The following ANO4 variants were observed in gnomAD, a reference collection of about 807,000 sequenced individuals.
The protein encoded by ANO4 is anoctamin 4, also known as anoctamin-4.
ANO4 carries 69 observed loss-of-function variants against 141.9 expected under a neutral mutation model. That is an observed-to-expected ratio of 0.49 (90% CI 0.40 to 0.59). The LOEUF is 0.59. ANO4 is among the 20% of genes least tolerant of loss of function. ANO4 has a pLI of 0.00. For synonymous variants in ANO4, 350 were observed against 394.3 expected (o/e 0.89, Z 1.33); for missense variants, 894 against 1,162.2 (o/e 0.77, Z 3.36).
intron 3 of ANO4, among the ~76,000 whole-genome samples, chr12:100,745,385 G>T (rs2135482275): frequency 6.6e-6 from 1 of 152,152 alleles, no homozygotes; most frequent in African/African-American, 2.4e-5. Flanking sequence ...ATTTAATTTT[G>T]CTCTTATTGT....
intron 3 of ANO4, among the ~76,000 whole-genome samples, chr12:100,751,888 A>G (rs2032399739): frequency 6.6e-6 from 1 of 152,198 alleles, no homozygotes; most frequent in African/African-American, 2.4e-5. Context: ...TGTGGTAGTA[A>G]TTTGAGAGAG....
At chr12:100,994,883 GACA>G (rs2045298992) in intron 8 of ANO4, among the ~76,000 whole-genome samples, 1 of 152,086 alleles carries the variant, frequency 6.6e-6, no homozygotes, top group African/African-American at 2.4e-5. Flanking sequence ...GGGGTAATTT[GACA>G]ACGTCTAGAA....
intron 5 of ANO4, among the ~76,000 whole-genome samples, chr12:100,958,131 G>A (rs1426806225): frequency 1.4e-4 from 22 of 152,184 alleles, no homozygotes; most frequent in East Asian, 1.9e-4. Context: ...CTTATTTGCC[G>A]GGCAAAGCCC....
At chr12:100,962,166 G>A (rs2043451838) in intron 5 of ANO4, among the ~76,000 whole-genome samples, 2 of 152,186 alleles carry the variant, frequency 1.3e-5, no homozygotes, top group East Asian at 1.9e-4. Context: ...TCTGTGGTAA[G>A]AGGATGAATT....
chr12:100,798,510 T>C lies in ANO4; in HGVS notation c.-141+3483T>C, dbSNP rs1565883464. 2.6e-5 allele frequency among the ~76,000 whole-genome samples: 4 copies of C among 152,204 alleles called. No individual in the cohort carries two copies. In the South Asian group the frequency reaches 8.3e-4, roughly 32 times the overall value. On this transcript the variant is annotated intron_variant, in intron 1 of 27. Coordinates refer to ENST00000392977, the MANE Select transcript of ANO4 (RefSeq NM_001286615.2). ...GAAATGCTTCATGAGCTGTGTTGAA[T>C]ACTGTATTTTTGATCTGTGCCTCCC...
chr12:100,939,452 G>T lies in ANO4; in HGVS notation c.297+1G>T. The T allele has an allele frequency of 6.2e-7, 1 of 1,612,946 alleles. No individual in the cohort carries two copies. The highest frequency in any genetic ancestry group is 8.5e-7 in the Non-Finnish European group (1 of 1,179,274). The stretch of plus-strand genomic sequence containing the variant: ...CAGCAGATTGGAAGCCGGGGGAGAG[G>T]TAAGAGTATATGATTTCTTACAAAT... On this transcript the variant is annotated splice_donor_variant, in intron 4 of 27. Coordinates refer to ENST00000392977, the MANE Select transcript of ANO4 (RefSeq NM_001286615.2). LOFTEE classifies it high-confidence loss of function.
chr12:100,866,229 C>T (rs11110566), intron 1 of ANO4, among the ~76,000 whole-genome samples: 7,280 of 152,278 alleles, frequency 0.048, 234 homozygotes, highest in Middle Eastern at 0.095. Context: ...GAAGTCTCAT[C>T]GCTATGGCTC....
intron 14 of ANO4, chr12:101,069,010 T>C: frequency 2.5e-6 from 2 of 795,096 alleles, no homozygotes; most frequent in Non-Finnish European, 4.6e-6. Flanking sequence ...TAAGGCCCAG[T>C]TTAAAGAGCA....
At chr12:100,780,754 G>C (rs192293745) in intron 3 of ANO4, among the ~76,000 whole-genome samples, 138 of 152,218 alleles carry the variant, frequency 9.1e-4, no homozygotes, top group African/African-American at 3.2e-3. Context: ...ATGTTGCCCA[G>C]GCTGGTCTTG....
intron 5 of ANO4, among the ~76,000 whole-genome samples, chr12:100,946,606 G>A (rs1327585560): frequency 6.6e-6 from 1 of 152,194 alleles, no homozygotes; most frequent in African/African-American, 2.4e-5. Flanking sequence ...CAGGGATGCG[G>A]AAAAGAGTAG....
intron 2 of ANO4, among the ~76,000 whole-genome samples, chr12:100,735,470 G>T (rs1454426735): frequency 2.0e-5 from 3 of 152,098 alleles, no homozygotes; most frequent in East Asian, 1.9e-4. Flanking sequence ...TTCACAGTAG[G>T]GGGGTGACAA....
chr12:100,903,596 G>A (rs2040698284), intron 2 of ANO4, among the ~76,000 whole-genome samples: 1 of 152,180 alleles, frequency 6.6e-6, no homozygotes, highest in Admixed American at 6.5e-5. Flanking sequence ...AAAACCAGTA[G>A]AAAGTATGTA....
At chr12:101,017,420 C>A (rs570896390) in intron 8 of ANO4, among the ~76,000 whole-genome samples, 1 of 152,318 alleles carries the variant, frequency 6.6e-6, no homozygotes, top group South Asian at 2.1e-4. Flanking sequence ...GGGGACACAG[C>A]TAAACCATAT....
At chr12:100,869,228 T>C (rs759758968) in intron 1 of ANO4, among the ~76,000 whole-genome samples, 1 of 152,244 alleles carries the variant, frequency 6.6e-6, no homozygotes, top group Admixed American at 6.5e-5. Context: ...CCTTCTCTCC[T>C]GGCTCCTGCC....
At chr12:100,905,541 G>T (rs531566018) in intron 2 of ANO4, among the ~76,000 whole-genome samples, 10 of 152,274 alleles carry the variant, frequency 6.6e-5, no homozygotes, top group Non-Finnish European at 1.3e-4. Context: ...TAAAGTGGAG[G>T]TCAATGGTGA....
chr12:100,969,904 T>C (rs1378740711), intron 5 of ANO4, among the ~76,000 whole-genome samples: 1 of 152,230 alleles, frequency 6.6e-6, no homozygotes, highest in Admixed American at 6.5e-5. Context: ...ACTTTCCTTC[T>C]ACAACTGATC....
intron 1 of ANO4, among the ~76,000 whole-genome samples, chr12:100,725,048 C>G (rs1418631266): frequency 1.3e-5 from 2 of 152,126 alleles, no homozygotes; most frequent in Non-Finnish European, 2.9e-5. Context: ...AATGGTATTT[C>G]TAGTGCGCCA....
At chr12:101,076,582 T>C (rs774375600) in intron 14 of ANO4, among the ~76,000 whole-genome samples, 2 of 152,084 alleles carry the variant, frequency 1.3e-5, no homozygotes, top group African/African-American at 4.8e-5. Flanking sequence ...ATCTTAGAAG[T>C]CAGTTCCCTC....
At chr12:100,877,323 T>A (rs2039360476) in intron 1 of ANO4, among the ~76,000 whole-genome samples, 1 of 151,574 alleles carries the variant, frequency 6.6e-6, no homozygotes, top group South Asian at 2.1e-4. Flanking sequence ...GATATACTAA[T>A]TAGCTTGATT....
Sources: allele counts gnomAD v4.1 joint callset (sites outside exome capture counted in the v4.1 genomes callset), GRCh38; gene constraint gnomAD v4.1.1; transcripts MANE v1.5; gene names NCBI Gene and HGNC (gene_info 2026-07-23, HGNC 2026-07-21).